OPCML: variants seen among roughly 807,000 people sequenced by gnomAD.
OPCML encodes the protein opioid-binding protein/cell adhesion molecule.
In OPCML, 13 loss-of-function variants were observed where a neutral mutation model predicts 37.8. That is an observed-to-expected ratio of 0.34 (90% CI 0.22 to 0.55). The LOEUF (loss-of-function observed/expected upper bound fraction) is 0.55, where lower values mean the gene tolerates loss of function less well. Among genes scored for constraint, OPCML ranks in the 20% least tolerant of loss-of-function variants. The probability of loss-of-function intolerance (pLI) is 0.91; values close to 1 mark genes in which losing one functional copy is unlikely to be tolerated. For missense variants in OPCML, 341 were observed against 435.6 expected, an observed-to-expected ratio of 0.78 and a Z score of 1.93; for synonymous variants, 176 against 168.8, an observed-to-expected ratio of 1.04 and a Z score of -0.33.
intron 3 of OPCML, among the ~76,000 whole-genome samples, chr11:132,621,008 A>T (rs772709449): frequency 3.9e-5 from 6 of 152,248 alleles, no homozygotes; most frequent in Non-Finnish European, 8.8e-5. Flanking sequence ...AAGGTTTGAG[A>T]GTCAAGGAAG....
Position 132,722,155 on chromosome 11 carries a change from C to G in OPCML, c.147-64836G>C, listed in dbSNP as rs991687413. 1.3e-4 allele frequency among the ~76,000 whole-genome samples: 19 copies of G among 151,604 alleles called. No individual in the cohort carries two copies. The South Asian group carries it at 4.0e-3, about 32-fold the overall frequency. On this transcript the variant is annotated intron_variant, in intron 2 of 7. Transcript: ENST00000524381. ...TATTTTTAGTAGAGATGGGGTTTCA[C>G]AGTGTTAGCCAGGATGGTCTTGATC...
At chr11:133,108,675 ACT>A (rs1949200876) in intron 1 of OPCML, among the ~76,000 whole-genome samples, 1 of 151,000 alleles carries the variant, frequency 6.6e-6, no homozygotes, top group Non-Finnish European at 1.5e-5. Flanking sequence ...GATCCCCTTT[ACT>A]CTTCTGTTCA....
At chr11:132,698,356 T>C (rs1943678881) in intron 2 of OPCML, among the ~76,000 whole-genome samples, 1 of 152,168 alleles carries the variant, frequency 6.6e-6, no homozygotes, top group African/African-American at 2.4e-5. Flanking sequence ...AGATTATGTA[T>C]GTTTGTGGTT....
chr11:132,934,151 A>G (rs1420381754), intron 2 of OPCML, among the ~76,000 whole-genome samples: 1 of 152,178 alleles, frequency 6.6e-6, no homozygotes, highest in Admixed American at 6.5e-5. Context: ...TGCTCTCCAA[A>G]AGATCCTTTG....
intron 1 of OPCML, among the ~76,000 whole-genome samples, chr11:133,029,697 C>T (rs987894378): frequency 6.6e-6 from 1 of 152,002 alleles, no homozygotes; most frequent in Non-Finnish European, 1.5e-5. Context: ...AAAACGGGAA[C>T]AATAGACTCT....
Position 132,975,801 on chromosome 11 carries a change from C to T in OPCML, c.62-32791G>A, listed in dbSNP as rs1314773076. ...TCTTTTTTGTTTTGAGATGGAGTCT[C>T]GCTCTGTCTCCCAGGCTGGAGTGCA... On this transcript the variant is annotated intron_variant, in intron 1 of 7. Coordinates refer to ENST00000524381, the MANE Select transcript of OPCML (RefSeq NM_001012393.5). 3.9e-5 allele frequency among the ~76,000 whole-genome samples: 6 copies of T among 152,066 alleles called. No homozygotes were observed. The South Asian group carries it at 8.3e-4, about 21-fold the overall frequency.
At chr11:133,313,383 C>T (rs931909347) in intron 1 of OPCML, among the ~76,000 whole-genome samples, 6 of 152,202 alleles carry the variant, frequency 3.9e-5, no homozygotes, top group African/African-American at 9.7e-5. Flanking sequence ...AACATCACTT[C>T]GGTCTTACAT....
chr11:132,717,819 C>A (rs1358254269), intron 2 of OPCML, among the ~76,000 whole-genome samples: 1 of 152,108 alleles, frequency 6.6e-6, no homozygotes, highest in Non-Finnish European at 1.5e-5. Context: ...TTTTGGAAGT[C>A]TGCGATTTTT....
chr11:133,184,441 G>A (rs116506296), intron 1 of OPCML, among the ~76,000 whole-genome samples: 1 of 152,276 alleles, frequency 6.6e-6, no homozygotes, highest in African/African-American at 2.4e-5. Context: ...CATGGGATGG[G>A]GAAGGGGTGG....
intron 1 of OPCML, among the ~76,000 whole-genome samples, chr11:133,128,601 G>A (rs1439786290): frequency 2.6e-5 from 4 of 152,166 alleles, no homozygotes; most frequent in African/African-American, 4.8e-5. Flanking sequence ...CAGAAGAAGC[G>A]TGAGTCTCCG....
At chr11:133,252,862 C>T (rs1278120432) in intron 1 of OPCML, among the ~76,000 whole-genome samples, 9 of 152,132 alleles carry the variant, frequency 5.9e-5, no homozygotes, top group Admixed American at 5.9e-4. Flanking sequence ...AAATAGTCTT[C>T]TTCGGCCAGG....
At chr11:132,831,893 G>T (rs1369092725) in intron 2 of OPCML, among the ~76,000 whole-genome samples, 4 of 152,182 alleles carry the variant, frequency 2.6e-5, no homozygotes, top group Middle Eastern at 6.8e-3. Flanking sequence ...CAATCACTTT[G>T]TCTTTCCCAG....
intron 1 of OPCML, among the ~76,000 whole-genome samples, chr11:133,188,396 T>A (rs967758998): frequency 6.6e-5 from 10 of 152,030 alleles, no homozygotes; most frequent in African/African-American, 2.4e-4. Flanking sequence ...TGAGGAAGAG[T>A]GGGGAAAACG....
intron 1 of OPCML, among the ~76,000 whole-genome samples, chr11:133,433,664 G>C (rs1378255131): frequency 2.6e-5 from 4 of 152,102 alleles, no homozygotes; most frequent in Non-Finnish European, 5.9e-5. Flanking sequence ...TCCAGTTAAG[G>C]ATCCCAAGAA....
At chr11:132,567,661 A>G (rs1456447831) in intron 3 of OPCML, among the ~76,000 whole-genome samples, 2 of 152,222 alleles carry the variant, frequency 1.3e-5, no homozygotes, top group African/African-American at 4.8e-5. Context: ...TCTTAAGGAC[A>G]ATGAAAAATC....
chr11:132,599,898 C>T (rs770775063), intron 3 of OPCML, among the ~76,000 whole-genome samples: 3 of 152,132 alleles, frequency 2.0e-5, no homozygotes, highest in South Asian at 4.1e-4. Flanking sequence ...TTTTCTGGGA[C>T]GCTTTTGGAT....
intron 2 of OPCML, among the ~76,000 whole-genome samples, chr11:132,761,392 G>A (rs935682371): frequency 3.3e-5 from 5 of 152,078 alleles, no homozygotes; most frequent in African/African-American, 7.2e-5. Flanking sequence ...ATGATATCAC[G>A]AAGTGTGTTT....
At chr11:132,467,162 G>C (rs1332079727) in intron 4 of OPCML, among the ~76,000 whole-genome samples, 1 of 152,178 alleles carries the variant, frequency 6.6e-6, no homozygotes, top group Non-Finnish European at 1.5e-5. Flanking sequence ...GCTGATAACA[G>C]ACTCGTCCAC....
At chr11:133,445,969 G>T (rs1946466144) in intron 1 of OPCML, among the ~76,000 whole-genome samples, 1 of 152,180 alleles carries the variant, frequency 6.6e-6, no homozygotes, top group African/African-American at 2.4e-5. Context: ...ATGTGTCTGT[G>T]ATTTGCATGA....
Sources: gnomAD v4.1 joint callset for allele counts (sites outside exome capture counted in the v4.1 genomes callset) on GRCh38, gnomAD v4.1.1 for gene constraint, MANE v1.5 for transcripts, NCBI Gene and HGNC (gene_info 2026-07-23, HGNC 2026-07-21) for gene names.